Variants in IMMP2L observed in about 807,000 individuals in gnomAD.
IMMP2L encodes the protein inner mitochondrial membrane peptidase subunit 2, also known as mitochondrial inner membrane protease subunit 2.
A neutral mutation model predicts 19.3 loss-of-function variants in IMMP2L; 18 were observed. That is an observed-to-expected ratio of 0.93 (90% CI 0.64 to 1.38). The LOEUF (loss-of-function observed/expected upper bound fraction) is 1.38, where lower values mean the gene tolerates loss of function less well. Among genes scored for constraint, IMMP2L ranks in the 40% most tolerant of loss-of-function variants. The pLI, the probability that IMMP2L is intolerant of heterozygous loss-of-function variation, is 0.00. For missense variants in IMMP2L, 233 were observed against 218.2 expected (o/e 1.07, Z -0.43); for synonymous variants, 76 against 73.0 (o/e 1.04, Z -0.21).
At chr7:111,207,154 A>ACTTAAAGC (rs1206309115) in intron 3 of IMMP2L, among the ~76,000 whole-genome samples, 1 of 152,212 alleles carries the variant, frequency 6.6e-6, no homozygotes, top group Admixed American at 6.5e-5. Flanking sequence ...TTAGAAATGT[A>ACTTAAAGC]CTTAAAGCAT....
At chr7:111,158,661 T>C (rs939430904) in intron 3 of IMMP2L, among the ~76,000 whole-genome samples, 11 of 152,214 alleles carry the variant, frequency 7.2e-5, no homozygotes, top group Non-Finnish European at 5.9e-5. Flanking sequence ...TAAGAAGTTA[T>C]ATTGCATATA....
intron 5 of IMMP2L, among the ~76,000 whole-genome samples, chr7:110,836,297 T>TG (rs761910996): frequency 2.0e-4 from 30 of 152,042 alleles, no homozygotes; most frequent in Non-Finnish European, 4.0e-4. Context: ...TGTCATAAAT[T>TG]GGGGGGGTGG....
intron 3 of IMMP2L, among the ~76,000 whole-genome samples, chr7:111,134,703 A>G (rs1173126738): frequency 3.3e-5 from 5 of 152,072 alleles, no homozygotes; most frequent in Non-Finnish European, 7.4e-5. Context: ...GTTTTGTTTG[A>G]AAAAAACTTT....
intron 3 of IMMP2L, among the ~76,000 whole-genome samples, chr7:110,973,259 T>A (rs1310084994): frequency 6.6e-6 from 1 of 152,124 alleles, no homozygotes; most frequent in Non-Finnish European, 1.5e-5. Flanking sequence ...TGTGCATATG[T>A]CAAATCATCA....
chr7:111,030,779 A>G (rs1790674539), intron 3 of IMMP2L, among the ~76,000 whole-genome samples: 1 of 92,914 alleles, frequency 1.1e-5, no homozygotes, highest in Admixed American at 1.0e-4. Context: ...AATAAAAGCA[A>G]AAGTATATAT....
intron 3 of IMMP2L, among the ~76,000 whole-genome samples, chr7:111,149,327 C>T (rs986632720): frequency 2.0e-5 from 3 of 152,088 alleles, no homozygotes; most frequent in Non-Finnish European, 4.4e-5. Flanking sequence ...ATGTAAAACA[C>T]TGAAAGATTC....
At chr7:111,207,506 T>G (rs1039777443) in intron 3 of IMMP2L, among the ~76,000 whole-genome samples, 13 of 151,518 alleles carry the variant, frequency 8.6e-5, no homozygotes, top group African/African-American at 2.4e-5. Flanking sequence ...AGGCTTGCTT[T>G]CTTTCTTTCT....
chr7:110,953,243 T>A (rs185625254), intron 4 of IMMP2L, among the ~76,000 whole-genome samples: 4 of 152,144 alleles, frequency 2.6e-5, no homozygotes, highest in African/African-American at 7.2e-5. Context: ...GGTATATACA[T>A]GCCATGGTGG....
chr7:111,175,171 T>C (rs1308907555), intron 3 of IMMP2L, among the ~76,000 whole-genome samples: 1 of 151,866 alleles, frequency 6.6e-6, no homozygotes, highest in African/African-American at 2.4e-5. Context: ...TCCTAATTAC[T>C]GTCTTTCTTC....
At chr7:111,555,781 A>G (rs1337850067) in intron 1 of IMMP2L, among the ~76,000 whole-genome samples, 2 of 151,322 alleles carry the variant, frequency 1.3e-5, no homozygotes, top group Non-Finnish European at 2.9e-5. Context: ...CTGCAGTTTG[A>G]TTTTCTGTTG....
chr7:110,793,346 G>T (rs1366179607), intron 5 of IMMP2L, among the ~76,000 whole-genome samples: 2 of 151,626 alleles, frequency 1.3e-5, no homozygotes, highest in Non-Finnish European at 2.9e-5. Flanking sequence ...CTTGAATCTA[G>T]GAGGTGGGGG....
intron 3 of IMMP2L, among the ~76,000 whole-genome samples, chr7:111,015,866 CCT>C (rs1192935634): frequency 6.6e-6 from 1 of 152,024 alleles, no homozygotes; most frequent in African/African-American, 2.4e-5. Context: ...TTTTATATAG[CCT>C]CTCTCAAACA....
At chr7:111,070,625 G>A (rs1794871867) in intron 3 of IMMP2L, among the ~76,000 whole-genome samples, 1 of 152,066 alleles carries the variant, frequency 6.6e-6, no homozygotes, top group East Asian at 1.9e-4. Context: ...TACTAATTGA[G>A]TTTAAAAGGA....
intron 3 of IMMP2L, among the ~76,000 whole-genome samples, chr7:110,970,649 C>A (rs1820051411): frequency 1.3e-5 from 2 of 152,062 alleles, no homozygotes; most frequent in Admixed American, 1.3e-4. Context: ...TCTTTCAATA[C>A]AGATTCCCAA....
At chr7:110,819,686 G>T (rs1210815496) in intron 5 of IMMP2L, among the ~76,000 whole-genome samples, 1 of 151,992 alleles carries the variant, frequency 6.6e-6, no homozygotes, top group African/African-American at 2.4e-5. Context: ...TAAGCAAAAT[G>T]TCCCACTGTA....
At chr7:111,097,632 A>G (rs899227536) in intron 3 of IMMP2L, among the ~76,000 whole-genome samples, 5 of 151,958 alleles carry the variant, frequency 3.3e-5, no homozygotes, top group South Asian at 2.1e-4. Context: ...TTTCAAACAT[A>G]CAATTCATGT....
chr7:111,333,918 T>G (rs963970186), intron 3 of IMMP2L, among the ~76,000 whole-genome samples: 3 of 152,098 alleles, frequency 2.0e-5, no homozygotes, highest in African/African-American at 7.2e-5. Context: ...CCGCTTTATA[T>G]ACACATCTAA....
intron 3 of IMMP2L, among the ~76,000 whole-genome samples, chr7:111,479,152 A>T (rs1388053442): frequency 6.6e-6 from 1 of 152,124 alleles, no homozygotes; most frequent in Non-Finnish European, 1.5e-5. Context: ...AGTTCTGCTC[A>T]TCCTGTCACC....
chr7:111,346,098 T>A (rs1398916658), intron 3 of IMMP2L, among the ~76,000 whole-genome samples: 2 of 152,156 alleles, frequency 1.3e-5, no homozygotes, highest in African/African-American at 4.8e-5. Flanking sequence ...TATATTTCAA[T>A]GATCAAAGAC....
Sources: allele counts gnomAD v4.1 joint callset (sites outside exome capture counted in the v4.1 genomes callset), GRCh38; gene constraint gnomAD v4.1.1; transcripts MANE v1.5; gene names NCBI Gene and HGNC (gene_info 2026-07-23, HGNC 2026-07-21).